ANKS1B: variants seen among roughly 807,000 people sequenced by gnomAD.
ANKS1B encodes the protein ankyrin repeat and sterile alpha motif domain-containing protein 1B.
In ANKS1B, 36 loss-of-function variants were observed where a neutral mutation model predicts 148.3. That is an observed-to-expected ratio of 0.24 (90% CI 0.19 to 0.32). The LOEUF is 0.32. Ranked by LOEUF, ANKS1B falls within the 10% of genes least tolerant of loss-of-function variation. The probability of loss-of-function intolerance (pLI) is 1.00; values close to 1 mark genes in which losing one functional copy is unlikely to be tolerated. For missense variants in ANKS1B, 1,157 were observed against 1,542.6 expected (o/e 0.75, Z 4.19); for synonymous variants, 542 against 560.8 (o/e 0.97, Z 0.47).
At chr12:98,961,497 T>C (rs2099871371) in intron 17 of ANKS1B, among the ~76,000 whole-genome samples, 1 of 152,150 alleles carries the variant, frequency 6.6e-6, no homozygotes, top group South Asian at 2.1e-4. Context: ...AAGGGAGTTT[T>C]CAATCTGAAA....
At chr12:98,933,581 T>C (rs2099815695) in intron 17 of ANKS1B, among the ~76,000 whole-genome samples, 1 of 152,252 alleles carries the variant, frequency 6.6e-6, no homozygotes, top group East Asian at 1.9e-4. Context: ...TCTATACTGC[T>C]TTTCATAGCA....
chr12:99,525,613 G>A (rs548383482), intron 9 of ANKS1B, among the ~76,000 whole-genome samples: 152 of 152,228 alleles, frequency 1.0e-3, no homozygotes, highest in African/African-American at 3.5e-3. Flanking sequence ...AAAACCACGG[G>A]TTATATAATA....
chr12:99,423,190 A>T (rs1026791255), intron 11 of ANKS1B, among the ~76,000 whole-genome samples: 1 of 152,146 alleles, frequency 6.6e-6, no homozygotes, highest in Non-Finnish European at 1.5e-5. Flanking sequence ...CCCAGAAGAG[A>T]TTGAGAACTA....
intron 1 of ANKS1B, among the ~76,000 whole-genome samples, chr12:99,861,950 T>C (rs1484673782): frequency 2.1e-5 from 2 of 97,148 alleles, no homozygotes; most frequent in Non-Finnish European, 3.8e-5. Context: ...TCCCTTTCAG[T>C]AGCCAAAAAG....
At chr12:99,083,270 T>C (rs1018979239) in intron 16 of ANKS1B, among the ~76,000 whole-genome samples, 1 of 152,182 alleles carries the variant, frequency 6.6e-6, no homozygotes, top group Non-Finnish European at 1.5e-5. Flanking sequence ...AATAGGAGGA[T>C]AGGAGAGTAC....
chr12:99,399,840 T>C, intron 11 of ANKS1B, 29 bp from the exon 12 acceptor site: 1 of 1,608,946 alleles, frequency 6.2e-7, no homozygotes, highest in South Asian at 1.1e-5. Flanking sequence ...ACGAGAGTAT[T>C]AATATGATCA....
At chr12:98,796,736 G>A (rs1235770515) in intron 22 of ANKS1B, among the ~76,000 whole-genome samples, 3 of 152,144 alleles carry the variant, frequency 2.0e-5, no homozygotes, top group African/African-American at 7.2e-5. Context: ...AGCACCAAGA[G>A]CAGCAAACCA....
chr12:99,588,196 C>G (rs2097663252), intron 9 of ANKS1B, among the ~76,000 whole-genome samples: 1 of 151,688 alleles, frequency 6.6e-6, no homozygotes, highest in Non-Finnish European at 1.5e-5. Flanking sequence ...TTACAGTGCA[C>G]ATAAAAATGC....
At chr12:99,609,557 A>G (rs1417471104) in intron 9 of ANKS1B, among the ~76,000 whole-genome samples, 2 of 151,878 alleles carry the variant, frequency 1.3e-5, no homozygotes, top group Non-Finnish European at 2.9e-5. Flanking sequence ...GAAAAAAAAA[A>G]AAATCCCCTG....
At chr12:99,304,076 C>T (rs1028045945) in intron 12 of ANKS1B, among the ~76,000 whole-genome samples, 4 of 152,102 alleles carry the variant, frequency 2.6e-5, no homozygotes, top group Non-Finnish European at 4.4e-5. Context: ...TATAAACATG[C>T]ATGTGCAAGT....
intron 10 of ANKS1B, among the ~76,000 whole-genome samples, chr12:99,452,879 A>G (rs148081579): frequency 0.015 from 2,349 of 152,294 alleles, 47 homozygotes; most frequent in Non-Finnish European, 0.018. Context: ...TACCAGATGA[A>G]ATGTGTGGTA....
At chr12:99,431,902 C>T (rs1243156820) in intron 11 of ANKS1B, among the ~76,000 whole-genome samples, 5 of 152,094 alleles carry the variant, frequency 3.3e-5, no homozygotes, top group Non-Finnish European at 7.4e-5. Flanking sequence ...GCAGGTGGGG[C>T]CTAGTAGAGG....
At chr12:99,316,390 G>C (rs1292042496) in intron 12 of ANKS1B, among the ~76,000 whole-genome samples, 1 of 152,142 alleles carries the variant, frequency 6.6e-6, no homozygotes, top group Non-Finnish European at 1.5e-5. Flanking sequence ...GTATCTAGTT[G>C]TGGTTTTGAT....
At chr12:99,845,489 G>A (rs1041886005) in intron 1 of ANKS1B, among the ~76,000 whole-genome samples, 1 of 152,008 alleles carries the variant, frequency 6.6e-6, no homozygotes, top group Non-Finnish European at 1.5e-5. Context: ...ATAATCATGT[G>A]GTTTCTTTAC....
intron 11 of ANKS1B, among the ~76,000 whole-genome samples, chr12:99,400,458 A>T (rs2094373533): frequency 1.4e-5 from 2 of 145,880 alleles, no homozygotes; most frequent in South Asian, 4.2e-4. Context: ...TAAACATAAA[A>T]GTTAAAATCA....
chr12:99,595,842 A>G (rs1025845965), intron 9 of ANKS1B, among the ~76,000 whole-genome samples: 5 of 152,070 alleles, frequency 3.3e-5, no homozygotes, highest in East Asian at 3.9e-4. Flanking sequence ...TTCAACCACT[A>G]CATTATTCCT....
chr12:99,402,466 C>T (rs2094431050), intron 11 of ANKS1B, among the ~76,000 whole-genome samples: 1 of 145,590 alleles, frequency 6.9e-6, no homozygotes, highest in African/African-American at 2.6e-5. Context: ...CCTCTCCCTC[C>T]TCCCACCCTC....
At chr12:99,264,381 A>C (rs2076229588) in intron 12 of ANKS1B, among the ~76,000 whole-genome samples, 1 of 152,044 alleles carries the variant, frequency 6.6e-6, no homozygotes, top group Non-Finnish European at 1.5e-5. Context: ...TAAATGTCTT[A>C]ATATTCTACT....
intron 14 of ANKS1B, among the ~76,000 whole-genome samples, chr12:99,182,963 T>C (rs560796485): frequency 4.3e-4 from 65 of 152,334 alleles, no homozygotes; most frequent in Non-Finnish European, 7.3e-4. Flanking sequence ...TGTCTTCTTT[T>C]GAGAAATGTC....
Sources: gnomAD v4.1 joint callset for allele counts (sites outside exome capture counted in the v4.1 genomes callset) on GRCh38, gnomAD v4.1.1 for gene constraint, MANE v1.5 for transcripts, NCBI Gene and HGNC (gene_info 2026-07-23, HGNC 2026-07-21) for gene names.